SMARCAD1: variants seen among roughly 807,000 people sequenced by gnomAD.
SMARCAD1 encodes the protein SWI/SNF-related matrix-associated actin-dependent regulator of chromatin subfamily A containing DEAD/H box 1.
SMARCAD1 carries 25 observed loss-of-function variants against 127.1 expected under a neutral mutation model. That is an observed-to-expected ratio of 0.20 (90% CI 0.14 to 0.27). SMARCAD1 has a LOEUF of 0.27. SMARCAD1 is among the 10% of genes least tolerant of loss of function. The pLI, the probability that SMARCAD1 is intolerant of heterozygous loss-of-function variation, is 1.00. For synonymous variants in SMARCAD1, 400 were observed against 396.9 expected (o/e 1.01, Z -0.09); for missense variants, 807 against 1,206.0 (o/e 0.67, Z 4.90).
intron 2 of SMARCAD1, among the ~76,000 whole-genome samples, chr4:94,208,924 A>G (rs990758447): frequency 6.6e-6 from 1 of 152,184 alleles, no homozygotes; most frequent in Non-Finnish European, 1.5e-5. Context: ...TTGGGCAGAC[A>G]TTTTCATTCA....
chr4:94,256,936 G>A (rs373757304), intron 9 of SMARCAD1, among the ~76,000 whole-genome samples: 1 of 152,256 alleles, frequency 6.6e-6, no homozygotes, highest in South Asian at 2.1e-4. Context: ...CTGTCTTTTG[G>A]TAAGTGGGGA....
intron 6 of SMARCAD1, among the ~76,000 whole-genome samples, chr4:94,243,526 G>A (rs1171069314): frequency 6.6e-6 from 1 of 152,112 alleles, no homozygotes. Context: ...GCTTTTATCA[G>A]GATTTATTGT....
chr4:94,267,841 A>T (rs1202999871), intron 10 of SMARCAD1, among the ~76,000 whole-genome samples: 1 of 152,182 alleles, frequency 6.6e-6, no homozygotes, highest in East Asian at 1.9e-4. Flanking sequence ...GTTCAGATAT[A>T]TATTTGGTCA....
At chr4:94,218,045 T>C (rs1038698384) in intron 2 of SMARCAD1, among the ~76,000 whole-genome samples, 9 of 152,306 alleles carry the variant, frequency 5.9e-5, no homozygotes, top group African/African-American at 2.2e-4. Flanking sequence ...GCTCTTGCTT[T>C]ATTAAGAGCA....
chr4:94,265,139 A>G (rs1751545753), intron 10 of SMARCAD1, among the ~76,000 whole-genome samples: 3 of 151,896 alleles, frequency 2.0e-5, no homozygotes, highest in South Asian at 4.1e-4. Context: ...GGGGGATGGT[A>G]TGATACTATA....
intron 2 of SMARCAD1, among the ~76,000 whole-genome samples, chr4:94,225,611 A>G (rs1328548456): frequency 2.6e-5 from 4 of 152,198 alleles, no homozygotes; most frequent in Non-Finnish European, 4.4e-5. Context: ...CATACACCAC[A>G]TATTCATAAG....
chr4:94,247,172 ATAG>A (rs1460225575), intron 6 of SMARCAD1, among the ~76,000 whole-genome samples: 1 of 152,200 alleles, frequency 6.6e-6, no homozygotes, highest in Non-Finnish European at 1.5e-5. Context: ...GTTTCCTATA[ATAG>A]TAGCCCATAC....
At chr4:94,251,845 A>G (rs941408144) in intron 8 of SMARCAD1, among the ~76,000 whole-genome samples, 1 of 151,632 alleles carries the variant, frequency 6.6e-6, no homozygotes, top group Non-Finnish European at 1.5e-5. Context: ...TATTTGAATA[A>G]TTTTTTTTAT....
intron 5 of SMARCAD1, among the ~76,000 whole-genome samples, chr4:94,238,464 G>T (rs1280727558): frequency 1.3e-5 from 2 of 152,052 alleles, no homozygotes; most frequent in Non-Finnish European, 2.9e-5. Flanking sequence ...ATTTGTTTAA[G>T]GGTCATCTGA....
intron 3 of SMARCAD1, among the ~76,000 whole-genome samples, chr4:94,229,093 C>T (rs1414283150): frequency 6.6e-6 from 1 of 152,074 alleles, no homozygotes; most frequent in Non-Finnish European, 1.5e-5. Context: ...ACTTTGATGA[C>T]TCAATTAACG....
Position 94,207,906 on chromosome 4 carries a change from C to A in SMARCAD1, c.-214C>A, listed in dbSNP as rs546576030. On this transcript the variant is annotated 5_prime_UTR_variant, in exon 1 of 24. Coordinates refer to ENST00000354268, the MANE Select transcript of SMARCAD1 (RefSeq NM_020159.5). ...GGATGCCCGCCAGCACGGCCTCCGC[C>A]GCTCCCCTTCTTTGGCCCCTTTGTG... The A allele has an allele frequency of 3.3e-5, 11 of 336,708 alleles. No homozygotes were observed. The highest frequency in any genetic ancestry group is 2.4e-4 in the South Asian group (10 of 41,876). 20.9% of individuals were successfully genotyped at this position (336,708 alleles called of 1,614,324 possible). A position where few individuals can be genotyped will look rare whatever the true frequency, so the allele number is the denominator to read the frequency against.
intron 2 of SMARCAD1, among the ~76,000 whole-genome samples, chr4:94,220,794 A>G (rs575128481): frequency 2.5e-4 from 38 of 152,350 alleles, no homozygotes; most frequent in African/African-American, 8.9e-4. Context: ...AAATTGTGTA[A>G]ATGCCAGTAT....
intron 2 of SMARCAD1, among the ~76,000 whole-genome samples, chr4:94,220,833 T>A (rs1220172474): frequency 6.6e-6 from 1 of 152,196 alleles, no homozygotes; most frequent in Non-Finnish European, 1.5e-5. Context: ...GCAGTAAAAA[T>A]TAGTAATTTT....
In SMARCAD1 at chr4:94,279,069, G is replaced by A. The variant is rs774326611; in HGVS notation, c.2418+19G>A. ...GCTAAAGGTAAGGATTTCATATTAT[G>A]TTAACACTAAGCTTTAATAAGAGGT... On this transcript the variant is annotated intron_variant, in intron 19 of 23. Transcript: ENST00000354268. 2 of 1,613,782 alleles carry A rather than the reference G, an allele frequency of 1.2e-6. No individual in the cohort carries two copies. The highest frequency in any genetic ancestry group is 1.7e-6 in the Non-Finnish European group (2 of 1,179,822).
chr4:94,282,356 A>T (rs929546642), intron 21 of SMARCAD1, among the ~76,000 whole-genome samples: 1 of 151,500 alleles, frequency 6.6e-6, no homozygotes, highest in Admixed American at 6.6e-5. Context: ...TCGGCCTCCC[A>T]AAGTGCTGGG....
chr4:94,270,319 C>G (rs1042605692), intron 10 of SMARCAD1, among the ~76,000 whole-genome samples: 1 of 151,968 alleles, frequency 6.6e-6, no homozygotes, highest in African/African-American at 2.4e-5. Context: ...GCCAAAGTAG[C>G]AAATTATGTT....
chr4:94,228,309 A>G (rs1018341729), intron 3 of SMARCAD1, among the ~76,000 whole-genome samples: 1 of 152,134 alleles, frequency 6.6e-6, no homozygotes, highest in African/African-American at 2.4e-5. Flanking sequence ...CCTTGTTAGC[A>G]TTTTCCCACA....
At position 94,213,609 on chromosome 4, in the gene SMARCAD1, G is replaced by T. The variant is rs535101928; in HGVS notation, c.190+5025G>T. Among the ~76,000 whole-genome samples the T allele has an allele frequency of 2.7e-5, 4 of 150,770 alleles. No homozygotes were observed. In the South Asian group the frequency reaches 8.3e-4, roughly 31 times the overall value. On this transcript the variant is annotated intron_variant, in intron 2 of 23. Transcript: ENST00000354268. ...TGTATTCATTGAAGCCTCAATGTAG[G>T]GAAATGACTGTAGAGATGACAGAGG...
Position 94,208,038 on chromosome 4 carries a change from G to T in SMARCAD1, c.-82G>T, listed in dbSNP as rs1560503726. 2.2e-6 allele frequency: 1 copy of T among 459,988 alleles called. No homozygotes were observed. Among genetic ancestry groups the T allele is most frequent in the Admixed American group, 2.4e-5 (1 of 42,360 alleles). The allele number at this position is 459,988 out of a possible 1,614,324, so 28.5% of individuals were successfully genotyped here. A position where few individuals can be genotyped will look rare whatever the true frequency, so the allele number is the denominator to read the frequency against. ...GGGCGGGCGCGAGGCCCGCTAGGGG[G>T]TTATACTGGGGAACGTGCCTGCGCG... On this transcript the variant is annotated 5_prime_UTR_variant, in exon 1 of 24. Coordinates refer to ENST00000354268, the MANE Select transcript of SMARCAD1 (RefSeq NM_020159.5).
Sources: allele counts gnomAD v4.1 joint callset (sites outside exome capture counted in the v4.1 genomes callset), GRCh38; gene constraint gnomAD v4.1.1; transcripts MANE v1.5; gene names NCBI Gene and HGNC (gene_info 2026-07-23, HGNC 2026-07-21).